TRAPPC2B: variants seen among roughly 807,000 people sequenced by gnomAD.
The protein encoded by TRAPPC2B is MBP-1 interacting protein-2A.
A neutral mutation model predicts 8.4 loss-of-function variants in TRAPPC2B; 5 were observed. That is an observed-to-expected ratio of 0.59 (90% CI 0.31 to 1.25). The LOEUF (loss-of-function observed/expected upper bound fraction) is 1.25. TRAPPC2B is among the 50% of genes most tolerant of loss of function. The pLI, the probability that TRAPPC2B is intolerant of heterozygous loss-of-function variation, is 0.06. For synonymous variants in TRAPPC2B, 46 were observed against 58.1 expected (o/e 0.79, Z 0.95); for missense variants, 161 against 173.2 (o/e 0.93, Z 0.40).
chr19:57,364,771 G>T, intron 1 of TRAPPC2B, 44 bp from the exon 2 acceptor site: 1 of 1,396,644 alleles, frequency 7.2e-7, no homozygotes, highest in Non-Finnish European at 9.9e-7. Flanking sequence ...GGTCTCTTCC[G>T]CGGAAACTGA....
intron 1 of TRAPPC2B, chr19:57,364,443 T>A: frequency 8.7e-5 from 18 of 206,270 alleles, no homozygotes; most frequent in Middle Eastern, 2.0e-3. Context: ...GTGTAGATTC[T>A]TCAAAAGAAT....
rs779910522 is a variant in TRAPPC2B at position 57,365,276 on chromosome 19, A to G, written c.*20A>G. The stretch of plus-strand genomic sequence containing the variant: ...AGCTGAATGGAGAAAATTCCAAAAT[A>G]AATTATATCACCACAATGGTGTATA... On this transcript the variant is annotated 3_prime_UTR_variant, in exon 2 of 2. Transcript: ENST00000543226. 6 of 1,461,260 alleles carry G rather than the reference A, an allele frequency of 4.1e-6. No individual in the cohort carries two copies. The highest frequency in any genetic ancestry group is 5.6e-6 in the Non-Finnish European group (6 of 1,064,630). The allele number at this position is 1,461,260 out of a possible 1,614,324, so 90.5% of individuals were successfully genotyped here. A position where few individuals can be genotyped will look rare whatever the true frequency, so the allele number is the denominator to read the frequency against.
At position 57,365,037 on chromosome 19, in the gene TRAPPC2B, C is replaced by T. The variant is rs938579002; in HGVS notation, c.204C>T (p.Asn68=). 3.1e-6 allele frequency: 5 copies of T among 1,612,030 alleles called. No individual in the cohort carries two copies. Among genetic ancestry groups the T allele is most frequent in the Non-Finnish European group, 4.2e-6 (5 of 1,178,412 alleles). The change falls in exon 2 of 2, where the codon AAC becomes AAT. Residue 68 remains asparagine, a synonymous_variant. Coordinates refer to ENST00000543226, the MANE Select transcript of TRAPPC2B (RefSeq NM_001355204.2). The stretch of plus-strand genomic sequence containing the variant: ...ACTTGAAAACTGTGGACAAGTTCAA[C>T]GAGTGGTTTGTGTCAGCATTTGTCA... ...NMYLKTVDKF[N]EWFVSAFVTA...
intron 1 of TRAPPC2B, chr19:57,364,602 G>T (rs1461077659): frequency 6.9e-6 from 4 of 581,194 alleles, no homozygotes; most frequent in African/African-American, 3.7e-5. Flanking sequence ...TTAGCCGGGG[G>T]TGGTGACGCG....
chr19:57,364,820 A>G lies in TRAPPC2B; in HGVS notation c.-14A>G, dbSNP rs747596195. 1.9e-6 allele frequency: 3 copies of G among 1,592,874 alleles called. No individual in the cohort carries two copies. Among genetic ancestry groups the G allele is most frequent in the Admixed American group, 1.7e-5 (1 of 58,022 alleles). On this transcript the variant is annotated 5_prime_UTR_variant, in exon 2 of 2. Coordinates refer to ENST00000543226, the MANE Select transcript of TRAPPC2B (RefSeq NM_001355204.2). Reference sequence around the variant, plus strand: ...TTGTCGGCCTCCCGCTGCAGGAGCCATATATTGAAGACCATGTCTGGAAGC... The same window carrying G: ...TTGTCGGCCTCCCGCTGCAGGAGCCGTATATTGAAGACCATGTCTGGAAGC...
rs749607180 is a variant in TRAPPC2B, at chr19:57,365,117, T to A, written c.284T>A (p.Ile95Lys). Residue 95 changes from isoleucine (I) to lysine (K), a missense_variant, in exon 2 of 2, where the codon ATA becomes AAA. Ile to Lys is a moderately radical substitution (Grantham distance 102). Transcript: ENST00000543226. ...MLHDIRQEDGIKNFFTDVYDL... is the reference protein window; with the variant it reads ...MLHDIRQEDGKKNFFTDVYDL... ...CATGACATAAGACAAGAAGATGGAA[T>A]AAAGAACTTCTTTACTGATGTTTAT... 2.5e-6 allele frequency: 4 copies of A among 1,608,312 alleles called. No individual in the cohort carries two copies. The South Asian group carries it at 4.4e-5, about 18-fold the overall frequency.
At position 57,365,086 on chromosome 19, in the gene TRAPPC2B, A is replaced by G. The variant is rs762885981; in HGVS notation, c.253A>G (p.Met85Val). 1.2e-6 allele frequency: 2 copies of G among 1,609,846 alleles called. No homozygotes were observed. The highest frequency in any genetic ancestry group is 8.5e-7 in the Non-Finnish European group (1 of 1,176,428). ...CACCGCGGGGCATATGAGGTTTATT[A>G]TGCTTCATGACATAAGACAAGAAGA... is the stretch of plus-strand genomic sequence containing the variant. ...FVTAGHMRFIMLHDIRQEDGI... is the reference protein window; with the variant it reads ...FVTAGHMRFIVLHDIRQEDGI... Residue 85 changes from methionine to valine, a missense_variant, in exon 2 of 2, where the codon ATG becomes GTG. Physicochemically the swap from Met to Val is conservative, Grantham distance 21. Coordinates refer to ENST00000543226, the MANE Select transcript of TRAPPC2B (RefSeq NM_001355204.2).
intron 1 of TRAPPC2B, chr19:57,364,460 TGGCC>T: frequency 3.3e-6 from 1 of 300,534 alleles, no homozygotes; most frequent in Non-Finnish European, 6.4e-6. Context: ...GAATAGAGGG[TGGCC>T]GGGCGTGGTG....
Position 57,365,281 on chromosome 19 carries a change from A to T in TRAPPC2B, c.*25A>T. The T allele has an allele frequency of 7.0e-7, 1 of 1,433,938 alleles. No homozygotes were observed. Among genetic ancestry groups the T allele is most frequent in the South Asian group, 1.2e-5 (1 of 81,566 alleles). 88.8% of individuals were successfully genotyped at this position (1,433,938 alleles called of 1,614,324 possible). ...AATGGAGAAAATTCCAAAATAAATT[A>T]TATCACCACAATGGTGTATACTCAG... On this transcript the variant is annotated 3_prime_UTR_variant, in exon 2 of 2. Coordinates refer to ENST00000543226, the MANE Select transcript of TRAPPC2B (RefSeq NM_001355204.2).
chr19:57,364,250 A>ATT (rs112859190), intron 1 of TRAPPC2B: 120 of 147,368 alleles, frequency 8.1e-4, no homozygotes, highest in African/African-American at 2.7e-3. Context: ...GTGAAGGGTC[A>ATT]TTTTTTTTTT....
chr19:57,363,988 G>A (rs1486448969), intron 1 of TRAPPC2B: 1 of 152,318 alleles, frequency 6.6e-6, no homozygotes, highest in South Asian at 2.1e-4. Flanking sequence ...TGGAATGGCA[G>A]CCTGAGCAGC....
At chr19:57,364,559 G>A (rs1185909787) in intron 1 of TRAPPC2B, 3 of 493,770 alleles carry the variant, frequency 6.1e-6, no homozygotes, top group Non-Finnish European at 1.1e-5. Flanking sequence ...TGACCAACAT[G>A]GTGAAACCCC....
In TRAPPC2B at chr19:57,365,312, T is replaced by C; in HGVS notation, c.*56T>C. ...CCACAATGGTGTATACTCAGGAATGTGTACATTGTAAATTACTTGATTAAA... is the reference window on the plus strand; with the variant it reads ...CCACAATGGTGTATACTCAGGAATGCGTACATTGTAAATTACTTGATTAAA... On this transcript the variant is annotated 3_prime_UTR_variant, in exon 2 of 2. Transcript: ENST00000543226. The C allele has an allele frequency of 1.7e-6, 2 of 1,179,058 alleles. No homozygotes were observed. Among genetic ancestry groups the C allele is most frequent in the Non-Finnish European group, 2.4e-6 (2 of 819,720 alleles). 73.0% of individuals were successfully genotyped at this position (1,179,058 alleles called of 1,614,324 possible). A position where few individuals can be genotyped will look rare whatever the true frequency, so the allele number is the denominator to read the frequency against.
In TRAPPC2B at chr19:57,365,230, C is replaced by T; in HGVS notation, c.397C>T (p.Leu133Phe). ...SSAFDRKVQF[L>F]GKKHLLS Reference sequence around the variant, plus strand: ...TGCATTTGACAGAAAAGTTCAGTTTCTTGGGAAGAAACACCTTTTAAGCTG... The same window carrying T: ...TGCATTTGACAGAAAAGTTCAGTTTTTTGGGAAGAAACACCTTTTAAGCTG... Residue 133 changes from leucine to phenylalanine, a missense_variant, in exon 2 of 2, where the codon CTT becomes TTT. Physicochemically the swap from Leu to Phe is conservative, Grantham distance 22. Transcript: ENST00000543226. 6.3e-7 allele frequency: 1 copy of T among 1,577,154 alleles called. No individual in the cohort carries two copies. Among genetic ancestry groups the T allele is most frequent in the Non-Finnish European group, 8.6e-7 (1 of 1,160,288 alleles).
Position 57,365,361 on chromosome 19 carries a change from T to G in TRAPPC2B, c.*105T>G. On this transcript the variant is annotated 3_prime_UTR_variant, in exon 2 of 2. Coordinates refer to ENST00000543226, the MANE Select transcript of TRAPPC2B (RefSeq NM_001355204.2). Reference sequence around the variant, plus strand: ...AATAGCCTGGAAATCTTTTGTGTATTCTCAGCTTATCTAAACTTAATGAAA... The same window carrying G: ...AATAGCCTGGAAATCTTTTGTGTATGCTCAGCTTATCTAAACTTAATGAAA... 1 of 780,728 alleles carries G rather than the reference T, an allele frequency of 1.3e-6. No homozygotes were observed. Among genetic ancestry groups the G allele is most frequent in the African/African-American group, 1.8e-5 (1 of 56,808 alleles). The allele number at this position is 780,728 out of a possible 1,614,324, so 48.4% of individuals were successfully genotyped here. A position where few individuals can be genotyped will look rare whatever the true frequency, so the allele number is the denominator to read the frequency against.
Position 57,364,828 on chromosome 19 carries a change from A to G in TRAPPC2B, c.-6A>G. 6.2e-7 allele frequency: 1 copy of G among 1,601,184 alleles called. No individual in the cohort carries two copies. Among genetic ancestry groups the G allele is most frequent in the Non-Finnish European group, 8.5e-7 (1 of 1,171,786 alleles). On this transcript the variant is annotated 5_prime_UTR_variant, in exon 2 of 2. Transcript: ENST00000543226. ...CTCCCGCTGCAGGAGCCATATATTGAAGACCATGTCTGGAAGCTTCTACTT... is the reference window on the plus strand; with the variant it reads ...CTCCCGCTGCAGGAGCCATATATTGGAGACCATGTCTGGAAGCTTCTACTT...
chr19:57,364,442 CT>C, intron 1 of TRAPPC2B: 2 of 198,028 alleles, frequency 1.0e-5, no homozygotes, highest in Non-Finnish European at 2.1e-5. Context: ...GGTGTAGATT[CT>C]TCAAAAGAAT....
In TRAPPC2B at chr19:57,364,907, C is replaced by T. The variant is rs1226750340; in HGVS notation, c.74C>T (p.Ala25Val). 4 of 1,612,432 alleles carry T rather than the reference C, an allele frequency of 2.5e-6. No individual in the cohort carries two copies. The African/African-American group carries it at 4.0e-5, about 16-fold the overall frequency. ...GTTTTTGAAATGGAGTTTTTGCCAG[C>T]TGGGAAGGCAGAATCCAAAGACGAC... is the stretch of plus-strand genomic sequence containing the variant. ...NPVFEMEFLP[A>V]GKAESKDDHR... Residue 25 changes from alanine (A) to valine (V), a missense_variant, in exon 2 of 2, where the codon GCT becomes GTT. Physicochemically the swap from Ala to Val is moderately conservative, Grantham distance 64. Transcript: ENST00000543226.
intron 1 of TRAPPC2B, chr19:57,364,471 G>C (rs1220841755): frequency 6.1e-6 from 2 of 327,844 alleles, no homozygotes; most frequent in African/African-American, 4.3e-5. Context: ...GGCCGGGCGT[G>C]GTGGCTCACG....
Sources: allele counts gnomAD v4.1 joint callset, GRCh38; gene constraint gnomAD v4.1.1; transcripts MANE v1.5; gene names NCBI Gene and HGNC (gene_info 2026-07-23, HGNC 2026-07-21).